The following LMF1 variants were observed in gnomAD, a reference collection of about 807,000 sequenced individuals.
LMF1 encodes lipase maturation factor 1, also known as transmembrane protein 112.
In LMF1, 68 loss-of-function variants were observed where a neutral mutation model predicts 60.6. That is an observed-to-expected ratio of 1.12 (90% CI 0.92 to 1.37). LMF1 has a LOEUF of 1.37. LMF1 is among the 40% of genes most tolerant of loss of function. The probability of loss-of-function intolerance (pLI) is 0.00; values close to 1 mark genes in which losing one functional copy is unlikely to be tolerated. For synonymous variants in LMF1, 418 were observed against 324.7 expected (o/e 1.29, Z -3.09); for missense variants, 948 against 767.2 (o/e 1.24, Z -2.78).
chr16:889,366 ATGGGTGTGAGGCTGCGGATGGCCG>A lies in LMF1; in HGVS notation c.729+3617_729+3640del, dbSNP rs1207798495. Among the ~76,000 whole-genome samples, 283 of 145,970 alleles carry A rather than the reference ATGGGTGTGAGGCTGCGGATGGCCG, an allele frequency of 1.9e-3. 1 individual carries two copies. Among genetic ancestry groups the A allele is most frequent in the African/African-American group, 5.4e-3 (210 of 38,604 alleles). On this transcript the variant is annotated intron_variant, in intron 5 of 10. Transcript: ENST00000262301. ...GTGGGGTGTGAGGCTGCGGATGGCC[ATGGGTGTGAGGCTGCGGATGGCCG>A]TGGGTGTGAGGCTGTGGATGGCCAT...
intron 10 of LMF1, among the ~76,000 whole-genome samples, chr16:861,354 C>CTTTT (rs33941455): frequency 5.7e-3 from 530 of 92,558 alleles, no homozygotes; most frequent in Non-Finnish European, 8.0e-3. Flanking sequence ...AATTTTCTTT[C>CTTTT]TTTTTTTTTT....
rs1418841013 is a variant in LMF1 at position 871,309 on chromosome 16, G to A, written c.930C>T (p.Phe310=). The A allele has an allele frequency of 1.2e-6, 2 of 1,612,510 alleles. No individual in the cohort carries two copies. Among genetic ancestry groups the A allele is most frequent in the East Asian group, 2.2e-5 (1 of 44,874 alleles). The change falls in exon 7 of 11, where the codon TTC becomes TTT. Residue 310 remains phenylalanine, a synonymous_variant. Coordinates refer to ENST00000262301, the MANE Select transcript of LMF1 (RefSeq NM_022773.4). ...TGGGCACCATAGTCAGCCAGTTCAG[G>A]AAGCTGAGGTTCCCGCTGACGATGA... ...AVLIVSGNLS[F]LNWLTMVPSL...
At chr16:971,537 C>T (rs1168408746), upstream of LMF1, among the ~76,000 whole-genome samples, 1 of 152,260 alleles carries the variant, frequency 6.6e-6, no homozygotes, top group Admixed American at 6.5e-5. Flanking sequence ...CCAGCCTGAG[C>T]ACCCTTCCGC....
chr16:907,561 G>A (rs2071001703), intron 4 of LMF1, among the ~76,000 whole-genome samples: 1 of 152,106 alleles, frequency 6.6e-6, no homozygotes, highest in African/African-American at 2.4e-5. Flanking sequence ...AGATGGCTCT[G>A]AGGAACCCAG....
At position 906,367 on chromosome 16, in the gene LMF1, G is replaced by A. The variant is rs544106462; in HGVS notation, c.663+4564C>T. ...TTTGGGTCAGGGGGCTGGGGAAGGCGGACCCAAGCTTAATCTGGTGGGCAC... is the reference window on the plus strand; with the variant it reads ...TTTGGGTCAGGGGGCTGGGGAAGGCAGACCCAAGCTTAATCTGGTGGGCAC... On this transcript the variant is annotated intron_variant, in intron 4 of 10. Coordinates refer to ENST00000262301, the MANE Select transcript of LMF1 (RefSeq NM_022773.4). 8.5e-5 allele frequency among the ~76,000 whole-genome samples: 13 copies of A among 152,242 alleles called. 1 individual carries two copies. In the South Asian group the frequency reaches 1.0e-3, roughly 12 times the overall value.
intron 2 of LMF1, among the ~76,000 whole-genome samples, chr16:948,742 ACGACAGAGTCAGAGC>A (rs2072329843): frequency 7.7e-5 from 4 of 52,088 alleles, no homozygotes; most frequent in African/African-American, 1.7e-4. Context: ...AGAGTCAGAG[ACGACAGAGTCAGAGC>A]CAACGACAGA....
At chr16:964,398 G>A (rs1597086583) in intron 1 of LMF1, among the ~76,000 whole-genome samples, 1 of 151,862 alleles carries the variant, frequency 6.6e-6, no homozygotes, top group Non-Finnish European at 1.5e-5. Flanking sequence ...CAGAAATGCC[G>A]TTCTCTGTTG....
intron 1 of LMF1, among the ~76,000 whole-genome samples, chr16:968,144 C>G (rs1279351986): frequency 6.6e-6 from 1 of 152,242 alleles, no homozygotes; most frequent in Non-Finnish European, 1.5e-5. Flanking sequence ...AACGCCCAGG[C>G]CCGCGGTGGG....
intron 6 of LMF1, 140 bp downstream of exon 6, chr16:879,430 A>T: frequency 1.0e-6 from 1 of 1,003,526 alleles, no homozygotes; most frequent in Non-Finnish European, 1.4e-6. Flanking sequence ...GACACAAACG[A>T]AGGCTGGGGA....
intron 10 of LMF1, among the ~76,000 whole-genome samples, chr16:858,924 T>C (rs1178707206): frequency 2.0e-4 from 18 of 91,972 alleles, no homozygotes; most frequent in African/African-American, 8.9e-4. Flanking sequence ...TGCAGTGGTG[T>C]CACGGGACGG....
upstream of LMF1, among the ~76,000 whole-genome samples, chr16:974,443 G>C (rs1007596340): frequency 4.6e-5 from 7 of 152,194 alleles, no homozygotes; most frequent in Non-Finnish European, 8.8e-5. Context: ...ACCCAGGAGA[G>C]GCCTGAGGGA....
intron 1 of LMF1, among the ~76,000 whole-genome samples, chr16:965,378 A>G (rs2072904177): frequency 6.6e-6 from 1 of 152,224 alleles, no homozygotes; most frequent in Non-Finnish European, 1.5e-5. Context: ...AGCCTCATCC[A>G]GAGCCAAGGA....
rs1250990701 is a variant in LMF1 at position 853,931 on chromosome 16, G to A, written c.*601C>T. On this transcript the variant is annotated 3_prime_UTR_variant, in exon 11 of 11. Transcript: ENST00000262301. ...ATGTGTGCACAGGCTGTGTGTGCCT[G>A]CATGTGTGGGATGCGTGTAGGCTGT... 1.1e-5 allele frequency: 5 copies of A among 453,982 alleles called. No individual in the cohort carries two copies. The highest frequency in any genetic ancestry group is 6.2e-5 in the South Asian group (4 of 64,476). The allele number at this position is 453,982 out of a possible 1,614,324, so 28.1% of individuals were successfully genotyped here. A position where few individuals can be genotyped will look rare whatever the true frequency, so the allele number is the denominator to read the frequency against.
At chr16:924,013 A>C (rs1317819551) in intron 3 of LMF1, among the ~76,000 whole-genome samples, 1 of 152,274 alleles carries the variant, frequency 6.6e-6, no homozygotes, top group African/African-American at 2.4e-5. Context: ...AACTCCAGGA[A>C]AAATGAAGAG....
chr16:964,385 T>G lies in LMF1; in HGVS notation c.193+6403A>C, dbSNP rs180866931. 2.3e-3 allele frequency among the ~76,000 whole-genome samples: 343 copies of G among 151,700 alleles called. 1 individual carries two copies. The highest frequency in any genetic ancestry group is 4.2e-3 in the Admixed American group (64 of 15,240). On this transcript the variant is annotated intron_variant, in intron 1 of 10. Transcript: ENST00000262301. ...AATTGTTGTAAGATTAAAACAGTCATCCCAGAAATGCCGTTCTCTGTTGAT... is the reference window on the plus strand; with the variant it reads ...AATTGTTGTAAGATTAAAACAGTCAGCCCAGAAATGCCGTTCTCTGTTGAT...
chr16:872,128 TTGCCG>T (rs928105604), intron 6 of LMF1: 1 of 152,216 alleles, frequency 6.6e-6, no homozygotes, highest in Non-Finnish European at 1.5e-5. Flanking sequence ...ACCCCTGCCG[TTGCCG>T]TGGAGGCATC....
rs1306913795 is a variant in LMF1, at chr16:922,015, A to G, written c.515-10936T>C. On this transcript the variant is annotated intron_variant, in intron 3 of 10. Transcript: ENST00000262301. The stretch of plus-strand genomic sequence containing the variant: ...AATCCTGTGAGTGGGCCTGGAAACC[A>G]GCGTTCCCCCACAGCTGAGGAGTAA... 2.0e-5 allele frequency among the ~76,000 whole-genome samples: 3 copies of G among 152,154 alleles called. No homozygotes were observed. The East Asian group carries it at 5.8e-4, about 29-fold the overall frequency.
intron 10 of LMF1, among the ~76,000 whole-genome samples, chr16:863,199 G>A (rs1340860125): frequency 6.6e-6 from 1 of 152,122 alleles, no homozygotes; most frequent in Non-Finnish European, 1.5e-5. Context: ...AGAATCTTGT[G>A]GTGTCGCCCA....
rs1157609754 is a variant in LMF1, at chr16:950,240, TGACAGAGTCAGCCAAC to T, written c.503+4101_503+4116del. ...GAGACAGCGACAGAGTTAGAGACAA[TGACAGAGTCAGCCAAC>T]GACAGAGTCAGCCAACGACAGAGTC... On this transcript the variant is annotated intron_variant, in intron 2 of 10. Coordinates refer to ENST00000262301, the MANE Select transcript of LMF1 (RefSeq NM_022773.4). Among the ~76,000 whole-genome samples, 228 of 43,326 alleles carry T rather than the reference TGACAGAGTCAGCCAAC, an allele frequency of 5.3e-3. 67 individuals carry two copies. Among genetic ancestry groups the T allele is most frequent in the African/African-American group, 0.036 (200 of 5,510 alleles). 28.4% of individuals were successfully genotyped at this position (43,326 alleles called of 152,430 possible).
Sources: allele counts gnomAD v4.1 joint callset (sites outside exome capture counted in the v4.1 genomes callset), GRCh38; gene constraint gnomAD v4.1.1; transcripts MANE v1.5; gene names NCBI Gene and HGNC (gene_info 2026-07-23, HGNC 2026-07-21).